PKHD1: variants seen among roughly 807,000 people sequenced by gnomAD.
PKHD1 encodes PKHD1 ciliary IPT domain containing fibrocystin/polyductin, also known as fibrocystin.
In PKHD1, 291 loss-of-function variants were observed where a neutral mutation model predicts 412.0. The observed-to-expected ratio is 0.71, with a 90% CI of 0.64 to 0.78. PKHD1 has a LOEUF of 0.78. PKHD1 is among the 30% of genes least tolerant of loss of function. PKHD1 has a pLI of 0.00. For missense variants in PKHD1, 4,825 were observed against 4,950.7 expected (o/e 0.97, Z 0.76); for synonymous variants, 1,777 against 1,821.5 (o/e 0.98, Z 0.62).
At chr6:51,950,216 A>T (rs921122315) in intron 36 of PKHD1, among the ~76,000 whole-genome samples, 16 of 41,980 alleles carry the variant, frequency 3.8e-4, no homozygotes, top group Non-Finnish European at 6.4e-4. Flanking sequence ...TAGAGAAAAA[A>T]AAAAATATAT....
At chr6:51,777,854 A>AGCACATGT (rs1791315017) in intron 53 of PKHD1, among the ~76,000 whole-genome samples, 1 of 152,106 alleles carries the variant, frequency 6.6e-6, no homozygotes, top group South Asian at 2.1e-4. Context: ...CCAACACTGC[A>AGCACATGT]GCACATGTGG....
At chr6:51,844,809 A>G (rs905958447) in intron 50 of PKHD1, among the ~76,000 whole-genome samples, 3 of 152,160 alleles carry the variant, frequency 2.0e-5, no homozygotes, top group African/African-American at 7.2e-5. Flanking sequence ...GCCAGCCAAG[A>G]AAAGGAGCCA....
At chr6:51,827,510 G>A (rs919108423) in intron 52 of PKHD1, among the ~76,000 whole-genome samples, 2 of 152,022 alleles carry the variant, frequency 1.3e-5, no homozygotes, top group East Asian at 1.9e-4. Context: ...TATCCTAGTC[G>A]ACAGCTCATC....
rs771259892 is a variant in PKHD1, at chr6:51,847,946, C to A, written c.7936G>T (p.Ala2646Ser). 1 of 1,613,788 alleles carries A rather than the reference C, an allele frequency of 6.2e-7. No homozygotes were observed. The highest frequency in any genetic ancestry group is 1.7e-5 in the Admixed American group (1 of 60,004). The change falls in exon 50 of 67, where the codon GCT becomes TCT. Residue 2646 changes from alanine (A) to serine (S), a missense_variant. Transcript: ENST00000371117. ...LQYSATFDNFAPGNYLLLVHT... is the reference protein window; with the variant it reads ...LQYSATFDNFSPGNYLLLVHT... ...ACCAGCAGTAGGTAATTACCAGGAG[C>A]AAAGTTGTCAAAGGTTGCTGAGTAC...
At chr6:52,018,268 C>T (rs781503307) in intron 33 of PKHD1, among the ~76,000 whole-genome samples, 30 of 151,966 alleles carry the variant, frequency 2.0e-4, no homozygotes, top group Non-Finnish European at 4.3e-4. Context: ...GGGTGCATGC[C>T]TATCAAGAAA....
chr6:51,676,342 G>C (rs1262185576), intron 60 of PKHD1, among the ~76,000 whole-genome samples: 1 of 150,632 alleles, frequency 6.6e-6, no homozygotes, highest in Admixed American at 6.6e-5. Context: ...AATGCACATA[G>C]AATCCTTCCA....
At chr6:51,644,203 TA>T (rs1341121240) in intron 63 of PKHD1, among the ~76,000 whole-genome samples, 4 of 150,696 alleles carry the variant, frequency 2.7e-5, no homozygotes, top group Non-Finnish European at 4.4e-5. Context: ...ATGGTGACAT[TA>T]AAAAAAAACT....
Position 51,747,927 on chromosome 6 carries a change from T to C in PKHD1, c.9689A>G (p.Asp3230Gly). 2 of 1,613,892 alleles carry C rather than the reference T, an allele frequency of 1.2e-6. No individual in the cohort carries two copies. The highest frequency in any genetic ancestry group is 1.7e-6 in the Non-Finnish European group (2 of 1,179,876). ...TCCTCTTGGATTGGAGGGAGCTCTA[T>C]CTGTTGATGTCAAGTTGGCTGAGTG... ...KPHSANLTST[D>G]RAPSNPRGGR... Residue 3230 changes from aspartate to glycine, a missense_variant, in exon 58 of 67, where the codon GAT becomes GGT. Coordinates refer to ENST00000371117, the MANE Select transcript of PKHD1 (RefSeq NM_138694.4).
intron 46 of PKHD1, among the ~76,000 whole-genome samples, chr6:51,871,139 T>C (rs891758159): frequency 1.3e-5 from 2 of 152,188 alleles, no homozygotes; most frequent in Non-Finnish European, 2.9e-5. Context: ...AAGTTAAATA[T>C]GCCCTTATCA....
chr6:51,802,816 C>T (rs558772213), intron 52 of PKHD1, among the ~76,000 whole-genome samples: 5 of 151,080 alleles, frequency 3.3e-5, no homozygotes, highest in African/African-American at 9.8e-5. Flanking sequence ...TGACACTAGA[C>T]AGGGCAATAT....
At chr6:51,862,280 T>A (rs1262977433) in intron 48 of PKHD1, among the ~76,000 whole-genome samples, 4 of 152,232 alleles carry the variant, frequency 2.6e-5, no homozygotes, top group Admixed American at 2.6e-4. Context: ...GAGCTAGTTG[T>A]TAAACATTTA....
intron 54 of PKHD1, among the ~76,000 whole-genome samples, chr6:51,775,488 G>T (rs188916626): frequency 4.0e-5 from 6 of 151,874 alleles, no homozygotes; most frequent in South Asian, 4.2e-4. Flanking sequence ...ATCAATAATC[G>T]AGTAGTATTT....
chr6:51,754,836 T>A lies in PKHD1; in HGVS notation c.8745A>T (p.Glu2915Asp). 6.2e-7 allele frequency: 1 copy of A among 1,613,566 alleles called. No individual in the cohort carries two copies. Among genetic ancestry groups the A allele is most frequent in the Non-Finnish European group, 8.5e-7 (1 of 1,179,538 alleles). Residue 2915 changes from glutamate (E) to aspartate (D), a missense_variant, in exon 56 of 67, where the codon GAA becomes GAT. Coordinates refer to ENST00000371117, the MANE Select transcript of PKHD1 (RefSeq NM_138694.4). Reference sequence around the variant, plus strand: ...AGATCCTCACATGGTGGCCCTTGACTTCTTTCACAGTGAGGACCTCTGCTT... The same window carrying A: ...AGATCCTCACATGGTGGCCCTTGACATCTTTCACAGTGAGGACCTCTGCTT... ...PHEAEVLTVK[E>D]VKGHHVRIYE...
Position 52,064,848 on chromosome 6 carries a change from C to G in PKHD1, c.976+107G>C, listed in dbSNP as rs537703529. The G allele has an allele frequency of 1.7e-4, 72 of 417,648 alleles. 7 individuals are homozygous for G. Among genetic ancestry groups the G allele is most frequent in the Non-Finnish European group, 2.8e-4 (67 of 239,764 alleles). 25.9% of individuals were successfully genotyped at this position (417,648 alleles called of 1,614,324 possible). On this transcript the variant is annotated intron_variant, in intron 13 of 66. Coordinates refer to ENST00000371117, the MANE Select transcript of PKHD1 (RefSeq NM_138694.4). ...ATGGACCCAGGGCTCACTGAGTAAGCCAGTCAAATAGATGAGAAAGAATTC... is the reference window on the plus strand; with the variant it reads ...ATGGACCCAGGGCTCACTGAGTAAGGCAGTCAAATAGATGAGAAAGAATTC...
chr6:51,917,004 A>G (rs1783900714), intron 37 of PKHD1, among the ~76,000 whole-genome samples: 1 of 152,066 alleles, frequency 6.6e-6, no homozygotes, highest in Non-Finnish European at 1.5e-5. Context: ...ACAGTCTCAG[A>G]GCACCATTCT....
In PKHD1 at chr6:52,017,563, T is replaced by C. The variant is rs1209824991; in HGVS notation, c.5447A>G (p.Tyr1816Cys). ...GGCAACTGTCAAATCACACTGCACA[T>C]AGGTGTGTCTGGCAGCCTCACAGCT... ...EDSCEAARHT[Y>C]VQCDLTVAMA... Residue 1816 changes from tyrosine (Y) to cysteine (C), a missense_variant, in exon 34 of 67, where the codon TAT (tyrosine) becomes TGT (cysteine). By Grantham distance (194) the Tyr-to-Cys change is radical. Coordinates refer to ENST00000371117, the MANE Select transcript of PKHD1 (RefSeq NM_138694.4). 4 of 1,613,900 alleles carry C rather than the reference T, an allele frequency of 2.5e-6. No individual in the cohort carries two copies. The highest frequency in any genetic ancestry group is 3.4e-6 in the Non-Finnish European group (4 of 1,179,906).
At chr6:52,005,672 G>A (rs1202190570) in intron 35 of PKHD1, among the ~76,000 whole-genome samples, 1 of 152,124 alleles carries the variant, frequency 6.6e-6, no homozygotes, top group African/African-American at 2.4e-5. Flanking sequence ...ACTTCCCAGA[G>A]TGAAGGCAGC....
intron 66 of PKHD1, among the ~76,000 whole-genome samples, chr6:51,623,381 G>T (rs1034918540): frequency 6.6e-6 from 1 of 151,708 alleles, no homozygotes; most frequent in Admixed American, 6.6e-5. Context: ...GGTCTCTATT[G>T]TACATTTCTT....
chr6:51,992,922 GC>G (rs1391347454), intron 35 of PKHD1, among the ~76,000 whole-genome samples: 1 of 152,158 alleles, frequency 6.6e-6, no homozygotes, highest in African/African-American at 2.4e-5. Flanking sequence ...TTCAGTCCCT[GC>G]CCCCATTAAA....
Sources: gnomAD v4.1 joint callset for allele counts (sites outside exome capture counted in the v4.1 genomes callset) on GRCh38, gnomAD v4.1.1 for gene constraint, MANE v1.5 for transcripts, NCBI Gene and HGNC (gene_info 2026-07-23, HGNC 2026-07-21) for gene names.